NAA35: variants seen among roughly 807,000 people sequenced by gnomAD.
NAA35 encodes MAK10 homolog, amino-acid N-acetyltransferase subunit.
NAA35 carries 18 observed loss-of-function variants against 101.7 expected under a neutral mutation model. The ratio of observed to expected loss-of-function variants is 0.18; its 90% CI spans 0.12 to 0.26. The LOEUF is 0.26. NAA35 is among the 10% of genes least tolerant of loss of function. NAA35 has a pLI of 1.00. For synonymous variants in NAA35, 267 were observed against 273.1 expected (o/e 0.98, Z 0.22); for missense variants, 601 against 886.8 (o/e 0.68, Z 4.09).
chr9:85,995,131 G>C (rs1393948743), intron 11 of NAA35, among the ~76,000 whole-genome samples: 1 of 151,930 alleles, frequency 6.6e-6, no homozygotes, highest in Admixed American at 6.6e-5. Flanking sequence ...TACCTCAACA[G>C]TTTAAACCCA....
At position 86,021,963 on chromosome 9, in the gene NAA35, G is replaced by GA. The variant is rs1832581859; in HGVS notation, c.*4dup. On this transcript the variant is annotated 3_prime_UTR_variant, in exon 23 of 23. Transcript: ENST00000361671. ...TTCCTGTTGTGAAACTTGTTTGAGA[G>GA]AGACTGGGGAGGTGGCCATAAAGGG... is the stretch of plus-strand genomic sequence containing the variant. 6.2e-7 allele frequency: 1 copy of GA among 1,612,948 alleles called. No homozygotes were observed. The highest frequency in any genetic ancestry group is 8.5e-7 in the Non-Finnish European group (1 of 1,179,384).
chr9:86,009,773 C>A, intron 14 of NAA35, 92 bp from the exon 15 acceptor site: 1 of 853,190 alleles, frequency 1.2e-6, no homozygotes, highest in Non-Finnish European at 1.9e-6. Context: ...CTCTTTTATT[C>A]ACCTTCTCTG....
intron 11 of NAA35, among the ~76,000 whole-genome samples, chr9:85,979,933 A>G (rs1830366538): frequency 6.6e-6 from 1 of 152,168 alleles, no homozygotes; most frequent in African/African-American, 2.4e-5. Context: ...TCAGTCCCCA[A>G]GACTGCTCTT....
At chr9:85,944,084 A>G (rs1347231087) in intron 2 of NAA35, among the ~76,000 whole-genome samples, 1 of 152,198 alleles carries the variant, frequency 6.6e-6, no homozygotes, top group African/African-American at 2.4e-5. Context: ...CCCCTTGATG[A>G]TCAGTACAGT....
intron 15 of NAA35, among the ~76,000 whole-genome samples, chr9:86,011,179 C>T (rs938053623): frequency 6.7e-6 from 1 of 149,844 alleles, no homozygotes; most frequent in Admixed American, 6.7e-5. Flanking sequence ...GCAGAGGTTG[C>T]AGTGAGTAGA....
At chr9:86,005,232 A>T (rs1411397079) in intron 13 of NAA35, among the ~76,000 whole-genome samples, 1 of 152,214 alleles carries the variant, frequency 6.6e-6, no homozygotes, top group South Asian at 2.1e-4. Flanking sequence ...ATAATATACC[A>T]TATTATCTAA....
intron 11 of NAA35, among the ~76,000 whole-genome samples, chr9:85,985,858 T>G (rs1830626090): frequency 6.6e-6 from 1 of 152,216 alleles, no homozygotes; most frequent in Admixed American, 6.5e-5. Context: ...CATTTAGTTT[T>G]GAGGAAAGAT....
chr9:85,955,356 ATATAT>A (rs1477161518), intron 2 of NAA35, among the ~76,000 whole-genome samples: 2 of 44,174 alleles, frequency 4.5e-5, no homozygotes, highest in African/African-American at 8.7e-5. Flanking sequence ...ATATATATAT[ATATAT>A]TTTTTTTTTT....
intron 6 of NAA35, among the ~76,000 whole-genome samples, chr9:85,972,045 T>C (rs1169898600): frequency 6.6e-6 from 1 of 152,206 alleles, no homozygotes; most frequent in Admixed American, 6.5e-5. Flanking sequence ...TTCTCACTTA[T>C]CCAATAACTT....
At chr9:85,978,119 G>C (rs367833050) in intron 10 of NAA35, 148 bp from the exon 11 acceptor site, 7 of 549,378 alleles carry the variant, frequency 1.3e-5, no homozygotes, top group East Asian at 8.5e-5. Flanking sequence ...ACAGGATCTG[G>C]ACATCCTGTA....
At chr9:86,021,871 C>T (rs1050841236) in intron 22 of NAA35, 30 bp from the exon 23 acceptor site, 4 of 1,535,106 alleles carry the variant, frequency 2.6e-6, no homozygotes, top group East Asian at 2.3e-5. Flanking sequence ...TTTGTAGATA[C>T]ATTAATTGAG....
intron 14 of NAA35, among the ~76,000 whole-genome samples, chr9:86,008,401 T>G (rs1248313450): frequency 1.3e-5 from 2 of 152,156 alleles, no homozygotes; most frequent in African/African-American, 4.8e-5. Context: ...TTTTGTTAGC[T>G]CAAATCTTTT....
chr9:85,956,108 C>T (rs1010629488), intron 2 of NAA35, among the ~76,000 whole-genome samples: 6 of 152,078 alleles, frequency 3.9e-5, no homozygotes, highest in Admixed American at 6.6e-5. Flanking sequence ...TTATGGCCTG[C>T]GATGGGTCAC....
At position 85,956,382 on chromosome 9, in the gene NAA35, T is replaced by C; in HGVS notation, c.147T>C (p.Leu49=). 7.1e-7 allele frequency: 1 copy of C among 1,409,380 alleles called. No homozygotes were observed. Among genetic ancestry groups the C allele is most frequent in the Non-Finnish European group, 9.6e-7 (1 of 1,038,920 alleles). 87.3% of individuals were successfully genotyped at this position (1,409,380 alleles called of 1,614,324 possible). The change falls in exon 3 of 23, where the codon CTT becomes CTC. Residue 49 remains leucine (L), a synonymous_variant. Coordinates refer to ENST00000361671, the MANE Select transcript of NAA35 (RefSeq NM_024635.4). ...ACRELKLGEL[L]HDKLFGLFEA... Reference sequence around the variant, plus strand: ...TAGAATTAAAGTTGGGAGAACTACTTCATGATAAGCTGTAAGTATTTATCC... The same window carrying C: ...TAGAATTAAAGTTGGGAGAACTACTCCATGATAAGCTGTAAGTATTTATCC...
intron 1 of NAA35, 66 bp from the exon 2 acceptor site, chr9:85,942,089 C>G: frequency 6.4e-7 from 1 of 1,565,854 alleles, no homozygotes; most frequent in Non-Finnish European, 8.6e-7. Flanking sequence ...AACAAACACC[C>G]ATTTCTGCAA....
chr9:86,020,528 A>C (rs1415413735), intron 21 of NAA35, among the ~76,000 whole-genome samples: 1 of 152,126 alleles, frequency 6.6e-6, no homozygotes, highest in Non-Finnish European at 1.5e-5. Flanking sequence ...CCATTATACA[A>C]AGTTTCTATT....
rs984561090 is a variant in NAA35 at position 85,959,879 on chromosome 9, A to G, written c.348+12A>G. ...GTTTTTGCTGTTTGGTAAGAATGGA[A>G]ATAAGACTATTGGTTAATTTTAAAA... On this transcript the variant is annotated intron_variant, in intron 5 of 22. Transcript: ENST00000361671. The G allele has an allele frequency of 6.3e-7, 1 of 1,589,124 alleles. No individual in the cohort carries two copies. Among genetic ancestry groups the G allele is most frequent in the Non-Finnish European group, 8.6e-7 (1 of 1,161,366 alleles).
intron 8 of NAA35, among the ~76,000 whole-genome samples, chr9:85,975,771 C>T (rs775248650): frequency 1.3e-5 from 2 of 152,052 alleles, no homozygotes; most frequent in African/African-American, 2.4e-5. Flanking sequence ...GTATTTTTCT[C>T]CCACTACTGT....
rs940303654 is a variant in NAA35 at position 85,941,207 on chromosome 9, G to A, written c.-72G>A. 3 of 986,844 alleles carry A rather than the reference G, an allele frequency of 3.0e-6. No individual in the cohort carries two copies. 61.1% of individuals were successfully genotyped at this position (986,844 alleles called of 1,614,324 possible). A position where few individuals can be genotyped will look rare whatever the true frequency, so the allele number is the denominator to read the frequency against. On this transcript the variant is annotated 5_prime_UTR_variant, in exon 1 of 23. Coordinates refer to ENST00000361671, the MANE Select transcript of NAA35 (RefSeq NM_024635.4). ...GAGAGGGGAGGGGGCGGCGGCGGCC[G>A]AGGCGGCGTCGTTATTTCCGTGGTC... is the stretch of plus-strand genomic sequence containing the variant.
Sources: gnomAD v4.1 joint callset for allele counts (sites outside exome capture counted in the v4.1 genomes callset) on GRCh38, gnomAD v4.1.1 for gene constraint, MANE v1.5 for transcripts, NCBI Gene and HGNC (gene_info 2026-07-23, HGNC 2026-07-21) for gene names.